CFAP276: variants seen among roughly 807,000 people sequenced by gnomAD.
CFAP276 encodes the protein cilia- and flagella-associated protein 276.
chr1:109,112,642 A>G, the CFAP276 span: 1 of 1,550,624 alleles, frequency 6.4e-7, no homozygotes, highest in Non-Finnish European at 8.7e-7. Flanking sequence ...ATCGTTATCT[A>G]ATGTAGGCTG....
chr1:109,112,592 A>T, the CFAP276 span: 1 of 1,550,506 alleles, frequency 6.4e-7, no homozygotes, highest in Non-Finnish European at 8.7e-7. Flanking sequence ...GCAAGAAACC[A>T]CAGTACCTTG....
At chr1:109,113,814 G>A in the CFAP276 span, 1 of 925,174 alleles carries the variant, frequency 1.1e-6, no homozygotes. Flanking sequence ...CTTCACACGA[G>A]CCCCGGGCCT....
chr1:109,113,132 G>C, the CFAP276 span, among the ~76,000 whole-genome samples: 1 of 152,134 alleles, frequency 6.6e-6, no homozygotes, highest in African/African-American at 2.4e-5. Flanking sequence ...GTTCACGCCT[G>C]TAATCTCAGC....
chr1:109,113,415 AAAGAGAGAG>A, the CFAP276 span, among the ~76,000 whole-genome samples: 31 of 113,806 alleles, frequency 2.7e-4, no homozygotes, highest in African/African-American at 9.0e-4. Flanking sequence ...AGAGAGAGAG[AAAGAGAGAG>A]AGAGAGAGAG....
chr1:109,112,566 C>T, the CFAP276 span: 1 of 1,549,382 alleles, frequency 6.5e-7, no homozygotes, highest in South Asian at 1.2e-5. Flanking sequence ...TACCGGCGAC[C>T]CTACTGGGAA....
chr1:109,113,416 A>AAGAGAGAGAGAGAG, the CFAP276 span, among the ~76,000 whole-genome samples: 51 of 68,068 alleles, frequency 7.5e-4, 3 homozygotes, highest in African/African-American at 1.6e-3. Context: ...GAGAGAGAGA[A>AAGAGAGAGAGAGAG]AGAGAGAGAG....
chr1:109,107,920 C>A, the CFAP276 span: 9 of 1,600,994 alleles, frequency 5.6e-6, no homozygotes, highest in East Asian at 1.8e-4. Context: ...ATGCTAGGTA[C>A]CTCGGGATCA....
At chr1:109,112,871 T>C in the CFAP276 span, 3 of 895,768 alleles carry the variant, frequency 3.3e-6, no homozygotes, top group African/African-American at 3.4e-5. Context: ...GGGAGGCCCC[T>C]GGGGAGGAAG....
the CFAP276 span, chr1:109,112,889 G>C: frequency 1.9e-5 from 13 of 689,756 alleles, no homozygotes; most frequent in East Asian, 3.7e-4. Context: ...AAGCTCCGGG[G>C]ACTGCAGAGG....
chr1:109,106,233 G>T, the CFAP276 span: 1 of 795,840 alleles, frequency 1.3e-6, no homozygotes, highest in Non-Finnish European at 2.0e-6. Flanking sequence ...GCATATGGAG[G>T]ACTGATGGGA....
the CFAP276 span, chr1:109,106,788 C>A: frequency 8.5e-7 from 1 of 1,180,064 alleles, no homozygotes; most frequent in Non-Finnish European, 1.2e-6. Flanking sequence ...GTGGGATTAA[C>A]CAAAGATTTT....
At chr1:109,108,067 C>T in the CFAP276 span, 2 of 1,452,552 alleles carry the variant, frequency 1.4e-6, no homozygotes, top group South Asian at 2.3e-5. Flanking sequence ...TCCAGGACAA[C>T]CTGGTTATAC....
the CFAP276 span, among the ~76,000 whole-genome samples, chr1:109,111,466 C>T: frequency 8.2e-6 from 1 of 121,266 alleles, no homozygotes; most frequent in African/African-American, 3.9e-5. Flanking sequence ...CAAGGAGACC[C>T]TGTCTCAAAA....
the CFAP276 span, chr1:109,108,053 C>T: frequency 2.3e-5 from 34 of 1,461,772 alleles, 1 homozygote; most frequent in Admixed American, 2.4e-4. Context: ...AAAGAGAAAC[C>T]GTATCCAGGA....
chr1:109,111,725 C>A, the CFAP276 span, among the ~76,000 whole-genome samples: 1 of 152,156 alleles, frequency 6.6e-6, no homozygotes. Flanking sequence ...GTTCCTGTTT[C>A]CTTCTTCCTA....
the CFAP276 span, chr1:109,107,886 G>T: frequency 6.5e-7 from 1 of 1,529,690 alleles, no homozygotes. Context: ...GCCCTAAACG[G>T]CTGCAAAGAG....
the CFAP276 span, among the ~76,000 whole-genome samples, chr1:109,110,223 CTTCAT>C: frequency 1.3e-5 from 2 of 152,238 alleles, no homozygotes; most frequent in Non-Finnish European, 2.9e-5. Context: ...CCCAGCCTCA[CTTCAT>C]TTCTTTGTCG....
At chr1:109,112,602 G>C in the CFAP276 span, 1 of 1,550,558 alleles carries the variant, frequency 6.4e-7, no homozygotes. Flanking sequence ...ACAGTACCTT[G>C]GAAGCCCGCA....
At chr1:109,107,005 A>G in the CFAP276 span, 1 of 1,608,732 alleles carries the variant, frequency 6.2e-7, no homozygotes, top group Non-Finnish European at 8.5e-7. Flanking sequence ...TCTACCACTT[A>G]CCTATAGGTA....
Sources: gnomAD v4.1 joint callset for allele counts (sites outside exome capture counted in the v4.1 genomes callset) on GRCh38, gnomAD v4.1.1 for gene constraint, MANE v1.5 for transcripts, NCBI Gene and HGNC (gene_info 2026-07-23, HGNC 2026-07-21) for gene names.